The following KAT6A variants were observed in gnomAD, a reference collection of about 807,000 sequenced individuals.
The protein encoded by KAT6A is lysine acetyltransferase 6A.
A neutral mutation model predicts 198.4 loss-of-function variants in KAT6A; 9 were observed. That is an observed-to-expected ratio of 0.05 (90% CI 0.03 to 0.08). The LOEUF (loss-of-function observed/expected upper bound fraction) is 0.08. Ranked by LOEUF, KAT6A falls within the 10% of genes least tolerant of loss-of-function variation. The pLI is 1.00. For missense variants in KAT6A, 2,077 were observed against 2,509.9 expected (o/e 0.83, Z 3.69); for synonymous variants, 890 against 883.0 (o/e 1.01, Z -0.14).
intron 2 of KAT6A, among the ~76,000 whole-genome samples, chr8:42,001,667 G>A (rs1173274040): frequency 6.6e-6 from 1 of 152,216 alleles, no homozygotes; most frequent in Non-Finnish European, 1.5e-5. Flanking sequence ...TAGGGCAAAA[G>A]TAAGATGAAG....
intron 2 of KAT6A, among the ~76,000 whole-genome samples, chr8:42,005,599 T>C (rs1243455383): frequency 6.6e-6 from 1 of 152,218 alleles, no homozygotes; most frequent in African/African-American, 2.4e-5. Context: ...CCAGCACATT[T>C]ATCTATGTAA....
Position 42,036,165 on chromosome 8 carries a change from T to C in KAT6A, c.600+12213A>G, listed in dbSNP as rs77135632. Among the ~76,000 whole-genome samples, 409 of 151,162 alleles carry C rather than the reference T, an allele frequency of 2.7e-3. 1 individual carries two copies. The highest frequency in any genetic ancestry group is 4.6e-3 in the Non-Finnish European group (315 of 67,766). On this transcript the variant is annotated intron_variant, in intron 2 of 16. Coordinates refer to ENST00000265713, the MANE Select transcript of KAT6A (RefSeq NM_006766.5). ...AGCATATGGGAGTATCTACTGAAAA[T>C]GAGAAAAAAAGGTGGGAAGAAATAC...
chr8:42,024,040 C>G (rs1826678101), intron 2 of KAT6A, among the ~76,000 whole-genome samples: 2 of 152,110 alleles, frequency 1.3e-5, no homozygotes, highest in African/African-American at 4.8e-5. Flanking sequence ...CCTGAGGGAC[C>G]TGTCTGGGAC....
Position 41,949,072 on chromosome 8 carries a change from TA to T in KAT6A, c.1740+149del, listed in dbSNP as rs1822541170. ...ATATGCAAAATCAACTGGCATTTTA[TA>T]ATCAAATGAAGTTTTAAAAATTATA... On this transcript the variant is annotated intron_variant, in intron 10 of 16. Coordinates refer to ENST00000265713, the MANE Select transcript of KAT6A (RefSeq NM_006766.5). 6.4e-6 allele frequency: 3 copies of T among 471,220 alleles called. No individual in the cohort carries two copies. In the South Asian group the frequency reaches 1.8e-4, roughly 28 times the overall value. The allele number at this position is 471,220 out of a possible 1,614,324, so 29.2% of individuals were successfully genotyped here.
chr8:41,968,436 C>A (rs895979016), intron 8 of KAT6A, among the ~76,000 whole-genome samples: 1 of 152,162 alleles, frequency 6.6e-6, no homozygotes, highest in Non-Finnish European at 1.5e-5. Context: ...TATCATCTCA[C>A]ACCAGTTAGA....
intron 7 of KAT6A, among the ~76,000 whole-genome samples, chr8:41,976,354 T>C (rs974704066): frequency 2.6e-5 from 4 of 152,236 alleles, no homozygotes; most frequent in Admixed American, 1.3e-4. Context: ...CTTTAATTTA[T>C]TGGACAGTTA....
At chr8:41,937,130 A>G in intron 16 of KAT6A, 126 bp downstream of exon 16, 2 of 687,374 alleles carry the variant, frequency 2.9e-6, no homozygotes. Flanking sequence ...AGAGATTGCC[A>G]AACGTTCCTT....
chr8:42,031,521 TAG>T (rs1279504755), intron 2 of KAT6A, among the ~76,000 whole-genome samples: 1 of 151,810 alleles, frequency 6.6e-6, no homozygotes, highest in Non-Finnish European at 1.5e-5. Flanking sequence ...TGGGCATCGT[TAG>T]AAAGTGCTGC....
At chr8:41,997,265 T>C (rs1296117128) in intron 2 of KAT6A, among the ~76,000 whole-genome samples, 3 of 152,210 alleles carry the variant, frequency 2.0e-5, no homozygotes, top group Non-Finnish European at 4.4e-5. Context: ...ATTTAAGTAA[T>C]AGGTCAAAAC....
intron 8 of KAT6A, among the ~76,000 whole-genome samples, chr8:41,961,960 A>T (rs1392139924): frequency 6.6e-6 from 1 of 152,086 alleles, no homozygotes; most frequent in Non-Finnish European, 1.5e-5. Context: ...GTTTCTCAAG[A>T]TTACTTCCTT....
rs749848823 is a variant in KAT6A, at chr8:41,943,772, C to T, written c.2204G>A (p.Arg735Gln). ...CTGGTCACTACGGAAGTCCAGCATT[C>T]GTAGGTGGTGGAGTGTGGAAGTGAT... ...QDITSTLHHL[R>Q]MLDFRSDQFV... Residue 735 changes from arginine to glutamine, a missense_variant, in exon 13 of 17, where the codon CGA becomes CAA. Physicochemically the swap from Arg to Gln is conservative, Grantham distance 43 (BLOSUM62 1). Around this residue, in one of 13 missense-constraint regions of KAT6A, gnomAD observed 127 missense variants for 209.6 expected, o/e 0.61. Coordinates refer to ENST00000265713, the MANE Select transcript of KAT6A (RefSeq NM_006766.5). 5.6e-6 allele frequency: 9 copies of T among 1,613,184 alleles called. No individual in the cohort carries two copies. The highest frequency in any genetic ancestry group is 3.3e-5 in the South Asian group (3 of 91,054).
chr8:41,990,817 C>A (rs1448569976), intron 2 of KAT6A, among the ~76,000 whole-genome samples: 1 of 151,934 alleles, frequency 6.6e-6, no homozygotes. Flanking sequence ...CATGGTAAAA[C>A]CCCGTCTCTA....
intron 8 of KAT6A, 79 bp downstream of exon 8, chr8:41,974,625 A>C (rs1823957046): frequency 1.2e-6 from 1 of 840,742 alleles, no homozygotes; most frequent in African/African-American, 1.7e-5. Flanking sequence ...GTTACTGCTT[A>C]ACCCACAATG....
At chr8:42,044,206 T>C (rs1414593169) in intron 2 of KAT6A, among the ~76,000 whole-genome samples, 1 of 151,344 alleles carries the variant, frequency 6.6e-6, no homozygotes, top group African/African-American at 2.4e-5. Flanking sequence ...GTTCAAGCGA[T>C]TATCCTGCCT....
chr8:41,977,753 A>C (rs1824133810), intron 6 of KAT6A, among the ~76,000 whole-genome samples: 1 of 152,324 alleles, frequency 6.6e-6, no homozygotes, highest in Non-Finnish European at 1.5e-5. Context: ...TTTATCTCTA[A>C]AACACAAGGA....
chr8:41,943,709 A>AT, intron 13 of KAT6A, 39 bp downstream of exon 13: 1 of 1,469,520 alleles, frequency 6.8e-7, no homozygotes, highest in South Asian at 1.2e-5. Flanking sequence ...CTTCAACCTA[A>AT]TTATCTTTCA....
chr8:41,980,341 A>G (rs1425728293), intron 5 of KAT6A, among the ~76,000 whole-genome samples: 3 of 152,142 alleles, frequency 2.0e-5, no homozygotes, highest in Admixed American at 6.5e-5. Context: ...ATTTGTTCAG[A>G]ATGTATTTCA....
chr8:41,952,045 C>T (rs1822694495), intron 9 of KAT6A, among the ~76,000 whole-genome samples: 1 of 152,182 alleles, frequency 6.6e-6, no homozygotes, highest in South Asian at 2.1e-4. Context: ...CACAGAATTA[C>T]ACCAGAGATG....
At chr8:42,007,241 ATTAAT>A (rs1478734894) in intron 2 of KAT6A, among the ~76,000 whole-genome samples, 1 of 152,198 alleles carries the variant, frequency 6.6e-6, no homozygotes, top group African/African-American at 2.4e-5. Context: ...CTTCCTTCAG[ATTAAT>A]TTAACAATCA....
Sources: gnomAD v4.1 joint callset for allele counts (sites outside exome capture counted in the v4.1 genomes callset) on GRCh38, gnomAD v4.1.1 for gene constraint, gnomAD v4.1.1 regional missense constraint, MANE v1.5 for transcripts, NCBI Gene and HGNC (gene_info 2026-07-23, HGNC 2026-07-21) for gene names.